Variants in BPTF observed in about 807,000 individuals in gnomAD.
BPTF encodes the protein bromodomain PHD finger transcription factor, also known as nucleosome-remodeling factor subunit BPTF.
In BPTF, 18 loss-of-function variants were observed where a neutral mutation model predicts 292.5. The ratio of observed to expected loss-of-function variants is 0.06; its 90% CI spans 0.04 to 0.09. The LOEUF (loss-of-function observed/expected upper bound fraction) is 0.09, where lower values mean the gene tolerates loss of function less well. Among genes scored for constraint, BPTF ranks in the 10% least tolerant of loss-of-function variants. The pLI is 1.00. For missense variants in BPTF, 2,726 were observed against 3,498.7 expected (o/e 0.78, Z 5.57); for synonymous variants, 1,225 against 1,251.9 (o/e 0.98, Z 0.45).
intron 1 of BPTF, among the ~76,000 whole-genome samples, chr17:67,829,137 G>A (rs936098541): frequency 2.7e-5 from 4 of 149,202 alleles, no homozygotes; most frequent in Non-Finnish European, 5.9e-5. Flanking sequence ...TTTTCTAATT[G>A]GTTTTTGATG....
At chr17:67,943,197 T>C (rs1205792798) in intron 19 of BPTF, among the ~76,000 whole-genome samples, 1 of 152,194 alleles carries the variant, frequency 6.6e-6, no homozygotes, top group Non-Finnish European at 1.5e-5. Context: ...GTTTTATAGA[T>C]GTTTACTTTA....
chr17:67,839,569 T>C (rs766549626), intron 1 of BPTF, among the ~76,000 whole-genome samples: 3 of 152,232 alleles, frequency 2.0e-5, no homozygotes, highest in Non-Finnish European at 2.9e-5. Flanking sequence ...AATTTTTAAA[T>C]AGTTTATACA....
At chr17:67,944,417 C>T (rs574865960) in intron 20 of BPTF, 45 bp downstream of exon 20, 14 of 1,592,352 alleles carry the variant, frequency 8.8e-6, no homozygotes, top group South Asian at 4.4e-5. Flanking sequence ...TACTACTACA[C>T]GTGGCTGGGC....
At chr17:67,904,054 A>T in intron 8 of BPTF, 136 bp downstream of exon 8, 8 of 851,936 alleles carry the variant, frequency 9.4e-6, no homozygotes, top group Non-Finnish European at 1.2e-5. Flanking sequence ...TTTGAGACAG[A>T]GTCTCGCTCT....
At chr17:67,861,336 T>C (rs1003122774) in intron 2 of BPTF, among the ~76,000 whole-genome samples, 2 of 141,564 alleles carry the variant, frequency 1.4e-5, no homozygotes, top group African/African-American at 5.4e-5. Flanking sequence ...TTCCAAGATT[T>C]TTTCTTTTTT....
At chr17:67,888,548 CCACTGCACTCCAGT>C (rs1272637327) in intron 4 of BPTF, among the ~76,000 whole-genome samples, 1 of 147,832 alleles carries the variant, frequency 6.8e-6, no homozygotes, top group African/African-American at 2.5e-5. Flanking sequence ...CGAGATCGTG[CCACTGCACTCCAGT>C]CTGGGTGACA....
rs1332161989 is a variant in BPTF, at chr17:67,969,480, T to A, written c.8539+2824T>A. Among the ~76,000 whole-genome samples the A allele has an allele frequency of 3.7e-5, 5 of 135,264 alleles. No individual in the cohort carries two copies. In the South Asian group the frequency reaches 7.1e-4, roughly 19 times the overall value. The allele number at this position is 135,264 out of a possible 152,430, so 88.7% of individuals were successfully genotyped here. On this transcript the variant is annotated intron_variant, in intron 26 of 27. Coordinates refer to ENST00000306378, the MANE Select transcript of BPTF (RefSeq NM_182641.4). ...AAAAAAAAAAAAAAAAAAAAAGAGATAGCCATTGCTTTTGGTGTGTTCTTG... is the reference window on the plus strand; with the variant it reads ...AAAAAAAAAAAAAAAAAAAAAGAGAAAGCCATTGCTTTTGGTGTGTTCTTG...
intron 1 of BPTF, among the ~76,000 whole-genome samples, chr17:67,843,773 T>G (rs2057776162): frequency 9.0e-6 from 1 of 111,082 alleles, no homozygotes; most frequent in Non-Finnish European, 1.9e-5. Context: ...TTTTTTTTTT[T>G]TTTTTTTTTG....
chr17:67,982,133 G>A (rs2070492452), intron 27 of BPTF, 119 bp from the exon 28 acceptor site: 1 of 897,314 alleles, frequency 1.1e-6, no homozygotes, highest in South Asian at 1.4e-5. Context: ...GCTTGCCAAG[G>A]GTGAATGAAA....
intron 2 of BPTF, among the ~76,000 whole-genome samples, chr17:67,859,507 A>C (rs1487755422): frequency 6.6e-6 from 1 of 152,226 alleles, no homozygotes; most frequent in South Asian, 2.1e-4. Flanking sequence ...AAGAGGTTAA[A>C]TAATTTGCCC....
chr17:67,911,691 G>A lies in BPTF; in HGVS notation c.3807G>A (p.Leu1269=), dbSNP rs768420743. The A allele has an allele frequency of 6.2e-7, 1 of 1,614,164 alleles. No individual in the cohort carries two copies. The highest frequency in any genetic ancestry group is 8.5e-7 in the Non-Finnish European group (1 of 1,180,034). The change falls in exon 11 of 28, where the codon CTG becomes CTA. Residue 1269 remains leucine (L), a synonymous_variant. Transcript: ENST00000306378. The stretch of plus-strand genomic sequence containing the variant: ...CCAATGACAGAGATGCCACACCTCT[G>A]TCAAGAGCAATGGACTTTGAAGGAA... The part of the protein sequence containing the change: ...KSTNDRDATP[L]SRAMDFEGKL...
chr17:67,940,742 C>G, intron 19 of BPTF, 86 bp downstream of exon 19: 1 of 1,393,186 alleles, frequency 7.2e-7, no homozygotes, highest in South Asian at 1.3e-5. Context: ...TATTTTGATA[C>G]GTTTTTAAAT....
intron 26 of BPTF, among the ~76,000 whole-genome samples, chr17:67,968,445 G>T (rs1447033064): frequency 6.6e-6 from 1 of 151,548 alleles, no homozygotes; most frequent in Non-Finnish European, 1.5e-5. Context: ...AGTTAATTAT[G>T]CTGGTAATAG....
intron 26 of BPTF, chr17:67,974,974 C>G (rs1255693789): frequency 6.6e-6 from 1 of 152,232 alleles, no homozygotes; most frequent in African/African-American, 2.4e-5. Flanking sequence ...AGTCCCAACC[C>G]TCCAATCCTG....
At position 67,911,515 on chromosome 17, in the gene BPTF, A is replaced by G. The variant is rs1479354335; in HGVS notation, c.3631A>G (p.Asn1211Asp). The G allele has an allele frequency of 6.2e-7, 1 of 1,613,508 alleles. No homozygotes were observed. The highest frequency in any genetic ancestry group is 1.7e-5 in the Admixed American group (1 of 59,822). ...ACCCAGTAAGAGTAAAACAAAAGGA[A>G]ATGATTTTTTCATCGATGACTCTAA... ...QEPSKSKTKG[N>D]DFFIDDSKLA... Residue 1211 changes from asparagine (N) to aspartate (D), a missense_variant, in exon 11 of 28, where the codon AAT (asparagine) becomes GAT (aspartate). By Grantham distance (23) the Asn-to-Asp change is conservative. Coordinates refer to ENST00000306378, the MANE Select transcript of BPTF (RefSeq NM_182641.4).
chr17:67,961,448 G>A (rs1555683980), intron 24 of BPTF, among the ~76,000 whole-genome samples: 1 of 149,980 alleles, frequency 6.7e-6, no homozygotes, highest in African/African-American at 2.4e-5. Flanking sequence ...TTCAAGTCCT[G>A]AACATCCTTC....
chr17:67,843,875 C>T (rs1416901548), intron 1 of BPTF, among the ~76,000 whole-genome samples: 1 of 146,464 alleles, frequency 6.8e-6, no homozygotes, highest in African/African-American at 2.5e-5. Context: ...AAGTGATTCT[C>T]CTGCCTCAGC....
intron 21 of BPTF, 48 bp from the exon 22 acceptor site, chr17:67,947,678 C>G (rs1555676116): frequency 7.0e-7 from 1 of 1,419,088 alleles, no homozygotes; most frequent in Non-Finnish European, 9.7e-7. Context: ...GTGTACTAAC[C>G]TGTGGTGATT....
At chr17:67,975,495 T>C (rs6416958) in intron 26 of BPTF, 286,213 of 299,274 alleles carry the variant, frequency 0.96, 138,229 homozygotes, top group East Asian at 1. Flanking sequence ...TTTCCTTGAT[T>C]TCAAACCATT....
Sources: allele counts gnomAD v4.1 joint callset (sites outside exome capture counted in the v4.1 genomes callset), GRCh38; gene constraint gnomAD v4.1.1; transcripts MANE v1.5; gene names NCBI Gene and HGNC (gene_info 2026-07-23, HGNC 2026-07-21).